Variants in CSMD1 observed in about 807,000 individuals in gnomAD.
The protein encoded by CSMD1 is CUB and Sushi multiple domains 1.
CSMD1 carries 213 observed loss-of-function variants against 417.5 expected under a neutral mutation model. The observed-to-expected ratio is 0.51, with a 90% CI of 0.46 to 0.57. CSMD1 has a LOEUF of 0.57. CSMD1 is among the 20% of genes least tolerant of loss of function. The pLI, the probability that CSMD1 is intolerant of heterozygous loss-of-function variation, is 0.00. For missense variants in CSMD1, 6,923 were observed against 4,529.7 expected (o/e 1.53, Z -15.17); for synonymous variants, 2,862 against 1,736.8 (o/e 1.65, Z -16.11).
chr8:3,803,835 T>C (rs1800587223), intron 5 of CSMD1, among the ~76,000 whole-genome samples: 2 of 152,216 alleles, frequency 1.3e-5, no homozygotes, highest in South Asian at 4.1e-4. Flanking sequence ...GACACCTTAA[T>C]AAACATGGCA....
chr8:4,056,692 C>G (rs79728588), intron 3 of CSMD1, among the ~76,000 whole-genome samples: 2 of 151,924 alleles, frequency 1.3e-5, no homozygotes, highest in Non-Finnish European at 2.9e-5. Context: ...CCACTCCCCC[C>G]ACCCCACAAC....
At chr8:4,292,167 A>G (rs1026755440) in intron 3 of CSMD1, among the ~76,000 whole-genome samples, 1 of 152,218 alleles carries the variant, frequency 6.6e-6, no homozygotes, top group Non-Finnish European at 1.5e-5. Flanking sequence ...GAGCCCGGTC[A>G]TAGATTTCAG....
At chr8:3,868,614 C>A (rs540036124) in intron 5 of CSMD1, among the ~76,000 whole-genome samples, 1 of 152,270 alleles carries the variant, frequency 6.6e-6, no homozygotes, top group East Asian at 1.9e-4. Flanking sequence ...GGACCCGAAC[C>A]TCACATGCAT....
Position 4,408,542 on chromosome 8 carries a change from A to G in CSMD1, c.415+11411T>C, listed in dbSNP as rs200695674. Among the ~76,000 whole-genome samples the G allele has an allele frequency of 2.0e-5, 3 of 152,218 alleles. No homozygotes were observed. In the East Asian group the frequency reaches 5.8e-4, roughly 29 times the overall value. ...AATTCTTGGACATAAAGATTTTCCT[A>G]TTTAGATTTATATTACTCTGATTTG... On this transcript the variant is annotated intron_variant, in intron 3 of 69. Transcript: ENST00000635120.
At chr8:4,497,264 G>C (rs911701292) in intron 2 of CSMD1, among the ~76,000 whole-genome samples, 3 of 152,142 alleles carry the variant, frequency 2.0e-5, no homozygotes, top group African/African-American at 4.8e-5. Context: ...TCATGATGTT[G>C]AATATCATTA....
chr8:4,524,192 G>A (rs1796388403), intron 2 of CSMD1, among the ~76,000 whole-genome samples: 1 of 151,388 alleles, frequency 6.6e-6, no homozygotes, highest in African/African-American at 2.4e-5. Flanking sequence ...GAAGCTAGGG[G>A]GAAATTAAAA....
chr8:4,833,534 C>T (rs1800278084), intron 1 of CSMD1, among the ~76,000 whole-genome samples: 1 of 152,198 alleles, frequency 6.6e-6, no homozygotes, highest in African/African-American at 2.4e-5. Flanking sequence ...CACCCACTAA[C>T]AGTTGCTGTT....
At chr8:4,091,695 G>C (rs1234423809) in intron 3 of CSMD1, among the ~76,000 whole-genome samples, 4 of 152,170 alleles carry the variant, frequency 2.6e-5, no homozygotes, top group Non-Finnish European at 5.9e-5. Context: ...TGAAGACTTA[G>C]GAAAGCTGAT....
intron 3 of CSMD1, among the ~76,000 whole-genome samples, chr8:4,403,698 T>C (rs1375066086): frequency 1.3e-5 from 2 of 152,166 alleles, no homozygotes; most frequent in Non-Finnish European, 2.9e-5. Context: ...AATACTCTTT[T>C]GACCTCTTCA....
intron 55 of CSMD1, among the ~76,000 whole-genome samples, chr8:2,978,048 A>T (rs1805083367): frequency 6.6e-6 from 1 of 152,286 alleles, no homozygotes; most frequent in South Asian, 2.1e-4. Flanking sequence ...AAGAAATACC[A>T]TTTGACCCAG....
intron 48 of CSMD1, among the ~76,000 whole-genome samples, chr8:3,088,575 C>G (rs191544430): frequency 1.3e-5 from 2 of 152,042 alleles, no homozygotes; most frequent in Admixed American, 1.3e-4. Flanking sequence ...CATGTTCCTA[C>G]GAGAAGTGTC....
rs543962276 is a variant in CSMD1, at chr8:4,740,283, A to G, written c.86-102725T>C. On this transcript the variant is annotated intron_variant, in intron 1 of 69. Transcript: ENST00000635120. ...ATATTAGTAATAGTCTGTATTTTTGAAGGTCTTTATTATAGGGTCTTACAT... is the reference window on the plus strand; with the variant it reads ...ATATTAGTAATAGTCTGTATTTTTGGAGGTCTTTATTATAGGGTCTTACAT... Among the ~76,000 whole-genome samples the G allele has an allele frequency of 1.1e-4, 16 of 152,268 alleles. No homozygotes were observed. The South Asian group carries it at 3.1e-3, about 30-fold the overall frequency.
chr8:4,412,764 T>C (rs1204562786), intron 3 of CSMD1, among the ~76,000 whole-genome samples: 10 of 152,210 alleles, frequency 6.6e-5, no homozygotes, highest in South Asian at 4.1e-4. Flanking sequence ...ACTACTTACA[T>C]TGATACCTAT....
chr8:4,203,893 G>C (rs186480930), intron 3 of CSMD1, among the ~76,000 whole-genome samples: 1 of 152,120 alleles, frequency 6.6e-6, no homozygotes, highest in Non-Finnish European at 1.5e-5. Flanking sequence ...TTGAGCCAAG[G>C]AGTTTGAGGC....
intron 5 of CSMD1, among the ~76,000 whole-genome samples, chr8:3,957,916 G>T (rs924359903): frequency 6.6e-6 from 1 of 152,128 alleles, no homozygotes; most frequent in Non-Finnish European, 1.5e-5. Flanking sequence ...TTTGGCTGGT[G>T]ATCTACTTCT....
chr8:3,297,151 A>G (rs1804031023), intron 25 of CSMD1, among the ~76,000 whole-genome samples: 1 of 152,204 alleles, frequency 6.6e-6, no homozygotes, highest in East Asian at 1.9e-4. Flanking sequence ...GAAAACTGCA[A>G]AACATCATTG....
intron 2 of CSMD1, among the ~76,000 whole-genome samples, chr8:4,565,018 T>G (rs866096821): frequency 3.3e-5 from 5 of 152,212 alleles, no homozygotes; most frequent in Non-Finnish European, 7.3e-5. Context: ...GATAGATGTC[T>G]GTCATCTTCA....
In CSMD1 at chr8:3,454,838, C is replaced by T. The variant is rs192528017; in HGVS notation, c.1561+13874G>A. 2.0e-3 allele frequency among the ~76,000 whole-genome samples: 302 copies of T among 152,188 alleles called. 1 individual carries two copies. Among genetic ancestry groups the T allele is most frequent in the Admixed American group, 7.3e-3 (111 of 15,286 alleles). ...TATCTTTGTGGCATTCTCTGTATTT[C>T]CTGAATTTGAATGTTGGCCTGCCTG... On this transcript the variant is annotated intron_variant, in intron 12 of 69. Coordinates refer to ENST00000635120, the MANE Select transcript of CSMD1 (RefSeq NM_033225.6).
At chr8:3,780,356 T>C (rs966460416) in intron 5 of CSMD1, among the ~76,000 whole-genome samples, 10 of 152,188 alleles carry the variant, frequency 6.6e-5, no homozygotes, top group African/African-American at 2.2e-4. Flanking sequence ...TTTGGAAGCA[T>C]TGCAAACAAT....
Sources: gnomAD v4.1 joint callset for allele counts (sites outside exome capture counted in the v4.1 genomes callset) on GRCh38, gnomAD v4.1.1 for gene constraint, MANE v1.5 for transcripts, NCBI Gene and HGNC (gene_info 2026-07-23, HGNC 2026-07-21) for gene names.